The following ZMAT4 variants were observed in gnomAD, a reference collection of about 807,000 sequenced individuals.
The protein encoded by ZMAT4 is zinc finger matrin-type protein 4.
ZMAT4 carries 17 observed loss-of-function variants against 28.7 expected under a neutral mutation model. The ratio of observed to expected loss-of-function variants is 0.59; its 90% confidence interval spans 0.41 to 0.89. The LOEUF is 0.89. ZMAT4 is among the 40% of genes least tolerant of loss of function. The pLI is 0.00. For synonymous variants in ZMAT4, 117 were observed against 109.2 expected (o/e 1.07, Z -0.44); for missense variants, 240 against 283.8 (o/e 0.85, Z 1.11).
At chr8:40,676,524 A>G (rs538132233) in intron 4 of ZMAT4, among the ~76,000 whole-genome samples, 23 of 152,288 alleles carry the variant, frequency 1.5e-4, no homozygotes, top group African/African-American at 5.5e-4. Flanking sequence ...GACCTCAATA[A>G]CAAGTTAAGG....
At chr8:40,537,017 C>A (rs995955777) in intron 6 of ZMAT4, among the ~76,000 whole-genome samples, 1 of 152,082 alleles carries the variant, frequency 6.6e-6, no homozygotes, top group Admixed American at 6.5e-5. Flanking sequence ...GTATGACAAC[C>A]AAATCTTCAA....
chr8:40,778,538 T>C (rs891181132), intron 2 of ZMAT4, among the ~76,000 whole-genome samples: 1 of 152,220 alleles, frequency 6.6e-6, no homozygotes, highest in African/African-American at 2.4e-5. Context: ...GGTAAGCAGC[T>C]TTGTTTCACC....
intron 2 of ZMAT4, among the ~76,000 whole-genome samples, chr8:40,775,181 G>C (rs1040757472): frequency 1.3e-5 from 2 of 152,142 alleles, no homozygotes; most frequent in Non-Finnish European, 2.9e-5. Flanking sequence ...AGTTAACCTC[G>C]GAACAAGAAC....
At chr8:40,733,800 C>T (rs967048426) in intron 3 of ZMAT4, among the ~76,000 whole-genome samples, 8 of 152,132 alleles carry the variant, frequency 5.3e-5, no homozygotes, top group Non-Finnish European at 1.0e-4. Flanking sequence ...CAACAACTCT[C>T]GTTCATTCAT....
chr8:40,710,247 T>A (rs148479111), intron 3 of ZMAT4, among the ~76,000 whole-genome samples: 1 of 152,158 alleles, frequency 6.6e-6, no homozygotes, highest in Admixed American at 6.5e-5. Flanking sequence ...AATTTCTCAG[T>A]TAATTATACT....
intron 1 of ZMAT4, among the ~76,000 whole-genome samples, chr8:40,834,677 C>A (rs965925071): frequency 1.3e-5 from 2 of 152,182 alleles, no homozygotes; most frequent in Non-Finnish European, 2.9e-5. Flanking sequence ...GACTTCCCAC[C>A]TGCTTCAACA....
At chr8:40,588,320 T>C (rs756758069) in intron 5 of ZMAT4, among the ~76,000 whole-genome samples, 1 of 152,046 alleles carries the variant, frequency 6.6e-6, no homozygotes, top group Non-Finnish European at 1.5e-5. Flanking sequence ...AAAGAGACCA[T>C]TAGGAAAACA....
intron 5 of ZMAT4, among the ~76,000 whole-genome samples, chr8:40,610,836 T>C (rs1228128919): frequency 6.7e-6 from 1 of 149,184 alleles, no homozygotes; most frequent in African/African-American, 2.5e-5. Context: ...AGATAGGCCA[T>C]AGAAAAAATG....
intron 5 of ZMAT4, among the ~76,000 whole-genome samples, chr8:40,627,931 T>C (rs959787228): frequency 6.6e-6 from 1 of 152,146 alleles, no homozygotes; most frequent in Non-Finnish European, 1.5e-5. Flanking sequence ...GTCTCTGTAG[T>C]GAGAGGGGAG....
At chr8:40,774,432 A>T (rs965625477) in intron 2 of ZMAT4, among the ~76,000 whole-genome samples, 2 of 152,150 alleles carry the variant, frequency 1.3e-5, no homozygotes, top group South Asian at 4.1e-4. Context: ...ATGTAAATTG[A>T]TACAAGCTTC....
chr8:40,745,821 A>G (rs1475504745), intron 3 of ZMAT4, among the ~76,000 whole-genome samples: 3 of 152,270 alleles, frequency 2.0e-5, no homozygotes, highest in Admixed American at 2.0e-4. Flanking sequence ...TCATCACTCA[A>G]TTCCTCTCTT....
Position 40,881,528 on chromosome 8 carries a change from C to CAGAAAGAAAGAAAGAAAGAAAG in ZMAT4, c.-5+16133_-5+16154dup, listed in dbSNP as rs1818248164. Among the ~76,000 whole-genome samples, 7 of 51,916 alleles carry CAGAAAGAAAGAAAGAAAGAAAG rather than the reference C, an allele frequency of 1.3e-4. 1 individual carries two copies. The highest frequency in any genetic ancestry group is 8.0e-4 in the South Asian group (1 of 1,244). The allele number at this position is 51,916 out of a possible 152,430, so 34.1% of individuals were successfully genotyped here. A position where few individuals can be genotyped will look rare whatever the true frequency, so the allele number is the denominator to read the frequency against. The stretch of plus-strand genomic sequence containing the variant: ...AAGGAAGGAAGGGGAGAGAGAGAGA[C>CAGAAAGAAAGAAAGAAAGAAAG]AGAAAGAAAGAAAGAAAGAAAGAAA... On this transcript the variant is annotated intron_variant, in intron 1 of 6. Coordinates refer to ENST00000297737, the MANE Select transcript of ZMAT4 (RefSeq NM_024645.3).
intron 1 of ZMAT4, among the ~76,000 whole-genome samples, chr8:40,849,052 G>GTGCCGTCCCATCCCA (rs1817008506): frequency 6.6e-6 from 1 of 152,228 alleles, no homozygotes; most frequent in African/African-American, 2.4e-5. Flanking sequence ...CAGGCTGGAG[G>GTGCCGTCCCATCCCA]TGCCGTCCCA....
At chr8:40,883,794 G>T (rs1818359717) in intron 1 of ZMAT4, among the ~76,000 whole-genome samples, 1 of 152,106 alleles carries the variant, frequency 6.6e-6, no homozygotes, top group Non-Finnish European at 1.5e-5. Context: ...CTCACTCTGG[G>T]CAACAACTCT....
intron 5 of ZMAT4, among the ~76,000 whole-genome samples, chr8:40,661,260 C>T (rs554418866): frequency 7.2e-5 from 11 of 152,226 alleles, no homozygotes; most frequent in South Asian, 6.2e-4. Context: ...ACACTATACC[C>T]GGCTAATTTT....
At chr8:40,576,842 A>T (rs567446000) in intron 6 of ZMAT4, among the ~76,000 whole-genome samples, 1 of 152,286 alleles carries the variant, frequency 6.6e-6, no homozygotes, top group East Asian at 1.9e-4. Flanking sequence ...TATAACTACC[A>T]TATGTTCCAG....
intron 3 of ZMAT4, among the ~76,000 whole-genome samples, chr8:40,732,546 A>G (rs559891031): frequency 6.6e-6 from 1 of 152,246 alleles, no homozygotes; most frequent in African/African-American, 2.4e-5. Flanking sequence ...CCTGGTAGGA[A>G]CAGGCACCTG....
chr8:40,543,683 T>C (rs1803112337), intron 6 of ZMAT4, among the ~76,000 whole-genome samples: 1 of 152,160 alleles, frequency 6.6e-6, no homozygotes, highest in Admixed American at 6.5e-5. Flanking sequence ...TGGTGAGGAA[T>C]AAATGAGTGA....
chr8:40,665,802 A>G (rs569378795), intron 5 of ZMAT4, among the ~76,000 whole-genome samples: 67 of 152,340 alleles, frequency 4.4e-4, no homozygotes, highest in Non-Finnish European at 7.6e-4. Flanking sequence ...TCTACCCTGA[A>G]CTTAGAAGGG....
Sources: allele counts gnomAD v4.1 joint callset (sites outside exome capture counted in the v4.1 genomes callset), GRCh38; gene constraint gnomAD v4.1.1; transcripts MANE v1.5; gene names NCBI Gene and HGNC (gene_info 2026-07-23, HGNC 2026-07-21).